The following CASD1 variants were observed in gnomAD, a reference collection of about 807,000 sequenced individuals.
CASD1 encodes N-acetylneuraminate (7)9-O-acetyltransferase.
CASD1 carries 41 observed loss-of-function variants against 100.0 expected under a neutral mutation model. The ratio of observed to expected loss-of-function variants is 0.41; its 90% CI spans 0.32 to 0.53. CASD1 has a LOEUF of 0.53. Ranked by LOEUF, CASD1 falls within the 20% of genes least tolerant of loss-of-function variation. The probability of loss-of-function intolerance (pLI) is 0.25; values close to 1 mark genes in which losing one functional copy is unlikely to be tolerated. For synonymous variants in CASD1, 321 were observed against 315.6 expected (o/e 1.02, Z -0.18); for missense variants, 774 against 948.7 (o/e 0.82, Z 2.42).
At chr7:94,579,165 CAATGAATG>C in the CASD1 span, among the ~76,000 whole-genome samples, 4 of 148,252 alleles carry the variant, frequency 2.7e-5, no homozygotes, top group African/African-American at 7.5e-5. Context: ...AGTATTCACT[CAATGAATG>C]AATGAAAGGG....
chr7:94,518,101 T>C, intron 2 of CASD1, 102 bp from the exon 3 acceptor site: 1 of 1,121,552 alleles, frequency 8.9e-7, no homozygotes, highest in African/African-American at 1.6e-5. Flanking sequence ...TATAATGGTA[T>C]GTGTAACAAT....
chr7:94,600,771 A>C, the CASD1 span: 1 of 1,613,688 alleles, frequency 6.2e-7, no homozygotes. Flanking sequence ...AAGAATCAGA[A>C]GGGGGTTTGT....
At chr7:94,608,065 C>T in the CASD1 span, among the ~76,000 whole-genome samples, 1 of 152,118 alleles carries the variant, frequency 6.6e-6, no homozygotes, top group African/African-American at 2.4e-5. Flanking sequence ...AAACAGAGGC[C>T]GGGTGTGATG....
chr7:94,553,817 A>AAAAG (rs374187200), intron 16 of CASD1: 2 of 151,762 alleles, frequency 1.3e-5, no homozygotes, highest in Non-Finnish European at 2.9e-5. Flanking sequence ...TAAATAAATA[A>AAAAG]AAAGAAAATG....
At chr7:94,533,939 A>G (rs1465483664) in intron 7 of CASD1, 137 bp downstream of exon 7, 5 of 752,428 alleles carry the variant, frequency 6.6e-6, no homozygotes, top group Non-Finnish European at 9.9e-6. Flanking sequence ...ATTAGAGTAC[A>G]CTTGAGTTAT....
At chr7:94,552,980 T>C (rs1796022988) in intron 16 of CASD1, among the ~76,000 whole-genome samples, 2 of 152,170 alleles carry the variant, frequency 1.3e-5, no homozygotes, top group Admixed American at 1.3e-4. Flanking sequence ...ATGCTAGATA[T>C]TATGCCAAGG....
the CASD1 span, among the ~76,000 whole-genome samples, chr7:94,580,903 G>C: frequency 6.6e-6 from 1 of 152,140 alleles, no homozygotes; most frequent in African/African-American, 2.4e-5. Context: ...GATACCAATT[G>C]CATCATTGTC....
chr7:94,530,201 A>G (rs1373266206), intron 5 of CASD1, among the ~76,000 whole-genome samples: 1 of 152,206 alleles, frequency 6.6e-6, no homozygotes, highest in African/African-American at 2.4e-5. Context: ...GTTTTCAGAT[A>G]AAGTGGTCTT....
the CASD1 span, among the ~76,000 whole-genome samples, chr7:94,576,011 G>A: frequency 1.1e-4 from 16 of 152,146 alleles, no homozygotes; most frequent in African/African-American, 3.9e-4. Flanking sequence ...AATGCGTAAT[G>A]TTTTTCATAA....
chr7:94,590,272 T>TTTTAATTAAAAAAA, the CASD1 span, among the ~76,000 whole-genome samples: 3 of 152,152 alleles, frequency 2.0e-5, no homozygotes, highest in Non-Finnish European at 4.4e-5. Context: ...AACATATTAT[T>TTTTAATTAAAAAAA]TTTAATTAAA....
At chr7:94,586,403 A>G in the CASD1 span, 2 of 152,204 alleles carry the variant, frequency 1.3e-5, no homozygotes, top group Admixed American at 1.3e-4. Context: ...TGAGAAATAA[A>G]CTTTTTCATT....
chr7:94,516,203 A>G (rs1467798914), intron 1 of CASD1, among the ~76,000 whole-genome samples: 1 of 152,158 alleles, frequency 6.6e-6, no homozygotes, highest in Admixed American at 6.5e-5. Flanking sequence ...AAATTTAATA[A>G]TTGATACCCT....
intron 1 of CASD1, among the ~76,000 whole-genome samples, chr7:94,511,266 A>C (rs955519115): frequency 6.6e-6 from 1 of 152,174 alleles, no homozygotes; most frequent in Non-Finnish European, 1.5e-5. Context: ...GACAGGTGCA[A>C]ATTAGCGCTG....
the CASD1 span, chr7:94,617,672 G>T: frequency 6.6e-6 from 1 of 152,138 alleles, no homozygotes; most frequent in Non-Finnish European, 1.5e-5. Context: ...TTTCCTCAAA[G>T]GACTTCTATG....
At chr7:94,533,162 T>C (rs762708348) in intron 5 of CASD1, 43 bp from the exon 6 acceptor site, 1 of 1,458,930 alleles carries the variant, frequency 6.9e-7, no homozygotes, top group South Asian at 1.2e-5. Flanking sequence ...AGTAATTCCC[T>C]GAACTGATTA....
chr7:94,567,947 A>T, the CASD1 span, among the ~76,000 whole-genome samples: 1 of 152,168 alleles, frequency 6.6e-6, no homozygotes, highest in East Asian at 1.9e-4. Flanking sequence ...CATTTATCCT[A>T]AATTAACGTA....
At chr7:94,618,674 G>T in the CASD1 span, 1 of 1,120,858 alleles carries the variant, frequency 8.9e-7, no homozygotes. Context: ...AATGCAATAG[G>T]CCATCTTCCA....
At chr7:94,604,198 T>G in the CASD1 span, among the ~76,000 whole-genome samples, 1 of 152,162 alleles carries the variant, frequency 6.6e-6, no homozygotes, top group African/African-American at 2.4e-5. Flanking sequence ...TGGAGCAGCT[T>G]GAGAAGATAG....
chr7:94,628,080 A>G, the CASD1 span: 1 of 725,036 alleles, frequency 1.4e-6, no homozygotes, highest in East Asian at 2.7e-5. Context: ...CATGCACAAA[A>G]TATTAAAAAC....
Sources: gnomAD v4.1 joint callset for allele counts (sites outside exome capture counted in the v4.1 genomes callset) on GRCh38, gnomAD v4.1.1 for gene constraint, MANE v1.5 for transcripts, NCBI Gene and HGNC (gene_info 2026-07-23, HGNC 2026-07-21) for gene names.